The following ZC3H3 variants were observed in gnomAD, a reference collection of about 807,000 sequenced individuals.
The protein encoded by ZC3H3 is zinc finger CCCH domain-containing protein 3.
A neutral mutation model predicts 77.3 loss-of-function variants in ZC3H3; 36 were observed. The ratio of observed to expected loss-of-function variants is 0.47; its 90% CI spans 0.36 to 0.61. ZC3H3 has a LOEUF of 0.61. Ranked by LOEUF, ZC3H3 falls within the 20% of genes least tolerant of loss-of-function variation. The probability of loss-of-function intolerance (pLI) is 0.00; values close to 1 mark genes in which losing one functional copy is unlikely to be tolerated. For missense variants in ZC3H3, 1,331 were observed against 1,312.2 expected, an observed-to-expected ratio of 1.01 and a Z score of -0.22; for synonymous variants, 626 against 555.2, an observed-to-expected ratio of 1.13 and a Z score of -1.79.
intron 4 of ZC3H3, among the ~76,000 whole-genome samples, chr8:143,485,254 A>AAGAGAG (rs1821021582): frequency 1.3e-5 from 2 of 152,194 alleles, no homozygotes; most frequent in South Asian, 4.1e-4. Context: ...AAATCCTAAG[A>AAGAGAG]AGAAGAAAAT....
At chr8:143,531,219 A>G (rs537312233) in intron 3 of ZC3H3, among the ~76,000 whole-genome samples, 2 of 152,190 alleles carry the variant, frequency 1.3e-5, no homozygotes, top group South Asian at 4.1e-4. Flanking sequence ...TCAGCCTCCC[A>G]AAGTGTTGGG....
chr8:143,500,719 T>C, intron 4 of ZC3H3, among the ~76,000 whole-genome samples: 1 of 151,450 alleles, frequency 6.6e-6, no homozygotes, highest in East Asian at 1.9e-4. Context: ...CAGGGGCCCC[T>C]CCCACCACAC....
chr8:143,509,081 T>C (rs1821796738), intron 3 of ZC3H3, among the ~76,000 whole-genome samples: 2 of 152,002 alleles, frequency 1.3e-5, no homozygotes, highest in South Asian at 4.1e-4. Flanking sequence ...CCCTCAGGCG[T>C]TCCCCCAGCA....
intron 4 of ZC3H3, among the ~76,000 whole-genome samples, chr8:143,502,912 C>CG (rs2130405829): frequency 6.6e-6 from 1 of 152,334 alleles, no homozygotes; most frequent in East Asian, 1.9e-4. Context: ...TCCTGGGGCC[C>CG]GGGGGAGGGC....
intron 3 of ZC3H3, among the ~76,000 whole-genome samples, chr8:143,529,067 C>T (rs1446035414): frequency 6.6e-6 from 1 of 152,258 alleles, no homozygotes; most frequent in Non-Finnish European, 1.5e-5. Flanking sequence ...GCCCACCTCA[C>T]AGACTCCCGA....
chr8:143,444,820 G>A (rs1819827613), intron 9 of ZC3H3, among the ~76,000 whole-genome samples: 1 of 152,170 alleles, frequency 6.6e-6, no homozygotes, highest in Non-Finnish European at 1.5e-5. Context: ...TTGTATTGGG[G>A]TCCTATCCAA....
Position 143,538,657 on chromosome 8 carries a change from G to C in ZC3H3, c.710C>G (p.Pro237Arg). The C allele has an allele frequency of 6.2e-7, 1 of 1,608,498 alleles. No individual in the cohort carries two copies. Among genetic ancestry groups the C allele is most frequent in the East Asian group, 2.2e-5 (1 of 44,882 alleles). Residue 237 changes from proline (P) to arginine (R), a missense_variant, in exon 2 of 12, where the codon CCA becomes CGA. Coordinates refer to ENST00000262577, the MANE Select transcript of ZC3H3 (RefSeq NM_015117.3). ...CCGGCCCAGGGCCACGCCAGTGCGT[G>C]GGGGCAGAGCGGAGGATGGGAAGCT... is the stretch of plus-strand genomic sequence containing the variant. The part of the protein sequence containing the change: ...KASFPSSALP[P>R]RTGVALGRKL...
chr8:143,449,852 T>C (rs1819946083), intron 9 of ZC3H3, among the ~76,000 whole-genome samples: 1 of 151,628 alleles, frequency 6.6e-6, no homozygotes. Context: ...GCAGCCAACC[T>C]CTTTGCTAGC....
At chr8:143,522,785 T>A (rs1822292323) in intron 3 of ZC3H3, among the ~76,000 whole-genome samples, 1 of 151,930 alleles carries the variant, frequency 6.6e-6, no homozygotes, top group Non-Finnish European at 1.5e-5. Flanking sequence ...ATTAGCCAGG[T>A]GTGGTGGCGC....
intron 11 of ZC3H3, among the ~76,000 whole-genome samples, chr8:143,438,493 G>A (rs1478164523): frequency 7.2e-5 from 11 of 152,190 alleles, no homozygotes; most frequent in Non-Finnish European, 1.3e-4. Flanking sequence ...CACACGAGGC[G>A]GCCACGATGC....
intron 4 of ZC3H3, among the ~76,000 whole-genome samples, chr8:143,489,148 C>T (rs927575615): frequency 6.6e-6 from 1 of 152,348 alleles, no homozygotes; most frequent in African/African-American, 2.4e-5. Flanking sequence ...CTTGTGTCTA[C>T]CTGGCCAAAT....
At chr8:143,487,720 T>A (rs1234470756) in intron 4 of ZC3H3, among the ~76,000 whole-genome samples, 10 of 12,246 alleles carry the variant, frequency 8.2e-4, no homozygotes, top group African/African-American at 1.3e-3. Flanking sequence ...CCCGCTACAC[T>A]GCCCCATCAC....
At position 143,484,790 on chromosome 8, in the gene ZC3H3, A is replaced by G. The variant is rs541664484; in HGVS notation, c.1716-9205T>C. On this transcript the variant is annotated intron_variant, in intron 4 of 11. Coordinates refer to ENST00000262577, the MANE Select transcript of ZC3H3 (RefSeq NM_015117.3). ...CTGCCTAGGCCCTCAAGGACCCCTC[A>G]GGTCACTGCTGTCTAAAGAGACTCA... 1.2e-3 allele frequency: 501 copies of G among 403,444 alleles called. 3 individuals carry two copies. Among genetic ancestry groups the G allele is most frequent in the African/African-American group, 9.8e-3 (471 of 48,248 alleles). The allele number at this position is 403,444 out of a possible 1,614,324, so 25.0% of individuals were successfully genotyped here. A position where few individuals can be genotyped will look rare whatever the true frequency, so the allele number is the denominator to read the frequency against.
chr8:143,470,118 G>A (rs1820523089), intron 5 of ZC3H3, among the ~76,000 whole-genome samples: 1 of 152,190 alleles, frequency 6.6e-6, no homozygotes, highest in Admixed American at 6.5e-5. Flanking sequence ...CGCACCCCCA[G>A]GCTGGAGCCC....
At chr8:143,441,144 G>A (rs760191378) in intron 9 of ZC3H3, 24 bp from the exon 10 acceptor site, 1 of 1,388,482 alleles carries the variant, frequency 7.2e-7, no homozygotes, top group East Asian at 3.1e-5. Context: ...GGGTGCAGGT[G>A]GGTGGGCCGG....
chr8:143,528,891 G>T (rs1190512742), intron 3 of ZC3H3, among the ~76,000 whole-genome samples: 2 of 152,234 alleles, frequency 1.3e-5, no homozygotes, highest in Non-Finnish European at 1.5e-5. Flanking sequence ...TCACGTGCAC[G>T]CAGGGCGGCC....
chr8:143,502,529 T>G (rs1433323543), intron 4 of ZC3H3, among the ~76,000 whole-genome samples: 1 of 152,146 alleles, frequency 6.6e-6, no homozygotes, highest in Non-Finnish European at 1.5e-5. Context: ...TAAAATAAAA[T>G]AAGGCAGCCC....
chr8:143,509,787 C>T (rs916478261), intron 3 of ZC3H3, among the ~76,000 whole-genome samples: 1 of 152,206 alleles, frequency 6.6e-6, no homozygotes, highest in African/African-American at 2.4e-5. Flanking sequence ...TCATGTTCCC[C>T]TCCCCATCAA....
At chr8:143,500,135 A>C (rs685028) in intron 4 of ZC3H3, among the ~76,000 whole-genome samples, 75,648 of 152,062 alleles carry the variant, frequency 0.5, 19,117 homozygotes, top group East Asian at 0.68. Flanking sequence ...TCTGAGCCCC[A>C]CACAGATCCA....
Sources: allele counts gnomAD v4.1 joint callset (sites outside exome capture counted in the v4.1 genomes callset), GRCh38; gene constraint gnomAD v4.1.1; transcripts MANE v1.5; gene names NCBI Gene and HGNC (gene_info 2026-07-23, HGNC 2026-07-21).